Variants in CCDC7 observed in about 807,000 individuals in gnomAD.
CCDC7 encodes coiled-coil domain-containing protein 7.
CCDC7 carries 183 observed loss-of-function variants against 196.9 expected under a neutral mutation model. That is an observed-to-expected ratio of 0.93 (90% CI 0.82 to 1.05). The LOEUF (loss-of-function observed/expected upper bound fraction) is 1.05. Ranked by LOEUF, CCDC7 falls within the 50% of genes least tolerant of loss-of-function variation. The probability of loss-of-function intolerance (pLI) is 0.00; values close to 1 mark genes in which losing one functional copy is unlikely to be tolerated. For synonymous variants in CCDC7, 525 were observed against 484.6 expected (o/e 1.08, Z -1.10); for missense variants, 1,540 against 1,482.2 (o/e 1.04, Z -0.64).
intron 6 of CCDC7, 131 bp downstream of exon 7, chr10:32,471,361 G>T (rs1242724638): frequency 6.3e-6 from 7 of 1,105,998 alleles, no homozygotes; most frequent in Non-Finnish European, 8.6e-6. Flanking sequence ...GGTCTAGTCA[G>T]CTTGTTTCTA....
chr10:32,461,544 C>T (rs1463377553), intron 3 of CCDC7, among the ~76,000 whole-genome samples: 1 of 151,142 alleles, frequency 6.6e-6, no homozygotes, highest in Admixed American at 6.6e-5. Context: ...TATTTTATAT[C>T]TTGATTTTCT....
intron 8 of CCDC7, 96 bp downstream of exon 9, chr10:32,474,119 T>A (rs886301419): frequency 3.1e-6 from 4 of 1,272,688 alleles, no homozygotes; most frequent in Non-Finnish European, 4.2e-6. Flanking sequence ...TGCAGACTCC[T>A]TGCCTTGGAG....
chr10:32,551,189 A>AAGTGTTCAT (rs1251089486), intron 13 of CCDC7, among the ~76,000 whole-genome samples: 7 of 152,132 alleles, frequency 4.6e-5, no homozygotes, highest in Non-Finnish European at 1.0e-4. Flanking sequence ...ATGTGCATAA[A>AAGTGTTCAT]AGTGTTCATA....
chr10:32,633,738 A>ATATGTG (rs1554928353), intron 18 of CCDC7, among the ~76,000 whole-genome samples: 104 of 130,798 alleles, frequency 8.0e-4, no homozygotes, highest in Admixed American at 1.2e-3. Context: ...GTGTATATAT[A>ATATGTG]TGTGTGTGTG....
chr10:32,453,716 T>C (rs1457072667), intron 2 of CCDC7, among the ~76,000 whole-genome samples: 2 of 152,228 alleles, frequency 1.3e-5, no homozygotes, highest in Non-Finnish European at 2.9e-5. Context: ...AGTAAAGATA[T>C]GGGGCCACAG....
At chr10:32,862,689 C>T (rs10827145) in intron 41 of CCDC7, among the ~76,000 whole-genome samples, 1 of 151,938 alleles carries the variant, frequency 6.6e-6, no homozygotes. Context: ...ACTAGAAGTA[C>T]TATCAAGGAC....
At chr10:32,501,460 G>A (rs2044021302) in intron 9 of CCDC7, among the ~76,000 whole-genome samples, 1 of 152,142 alleles carries the variant, frequency 6.6e-6, no homozygotes, top group East Asian at 1.9e-4. Flanking sequence ...TAGAAGAGAT[G>A]TTCTGGTTTT....
chr10:32,614,420 A>T (rs1189629425), intron 18 of CCDC7, among the ~76,000 whole-genome samples: 1 of 152,018 alleles, frequency 6.6e-6, no homozygotes, highest in South Asian at 2.1e-4. Flanking sequence ...GTGTCTTTTC[A>T]TTGGGGCATT....
intron 28 of CCDC7, among the ~76,000 whole-genome samples, chr10:32,745,965 G>T (rs889532142): frequency 6.6e-6 from 1 of 152,090 alleles, no homozygotes; most frequent in Non-Finnish European, 1.5e-5. Context: ...ATTTTGGGGG[G>T]CACTGTTGTA....
intron 11 of CCDC7, among the ~76,000 whole-genome samples, chr10:32,540,041 T>A (rs539751545): frequency 1.3e-5 from 2 of 151,574 alleles, no homozygotes; most frequent in African/African-American, 4.8e-5. Flanking sequence ...AAGTGTTGAG[T>A]TTAGGTGCTG....
At chr10:32,512,594 A>G (rs753410518) in intron 9 of CCDC7, 7 of 152,222 alleles carry the variant, frequency 4.6e-5, no homozygotes, top group Non-Finnish European at 7.3e-5. Flanking sequence ...ACCTAAATGT[A>G]AGAAAATAAA....
chr10:32,477,208 G>C (rs528287775), intron 8 of CCDC7, among the ~76,000 whole-genome samples: 21 of 144,262 alleles, frequency 1.5e-4, no homozygotes, highest in Non-Finnish European at 1.8e-4. Flanking sequence ...GATCCATTTT[G>C]AGTTAATTTT....
intron 28 of CCDC7, among the ~76,000 whole-genome samples, chr10:32,757,867 AAAG>A (rs1446750915): frequency 2.0e-5 from 3 of 152,232 alleles, no homozygotes; most frequent in Admixed American, 6.5e-5. Context: ...CAAGACTAAT[AAAG>A]AAGAAGAGAA....
intron 30 of CCDC7, among the ~76,000 whole-genome samples, chr10:32,805,875 A>G (rs1017144788): frequency 2.6e-5 from 4 of 152,204 alleles, no homozygotes; most frequent in African/African-American, 9.6e-5. Flanking sequence ...GAGGCTGTAC[A>G]AGCATAGTGC....
chr10:32,863,119 A>G (rs1593577470), intron 41 of CCDC7, among the ~76,000 whole-genome samples: 1 of 152,092 alleles, frequency 6.6e-6, no homozygotes, highest in Non-Finnish European at 1.5e-5. Context: ...CAAAATTCCA[A>G]TGGTATTATT....
intron 41 of CCDC7, among the ~76,000 whole-genome samples, chr10:32,859,502 A>G (rs1238180939): frequency 6.6e-6 from 1 of 152,218 alleles, no homozygotes; most frequent in African/African-American, 2.4e-5. Flanking sequence ...CATCACAATT[A>G]AAAGAACTAG....
Position 32,664,128 on chromosome 10 carries a change from A to G in CCDC7, c.2089A>G (p.Lys697Glu), listed in dbSNP as rs183140767. Residue 697 changes from lysine (K) to glutamate (E), a missense_variant, in exon 21 of 42, where the codon AAA (lysine) becomes GAA (glutamate). Coordinates refer to ENST00000639629, the Ensembl canonical transcript of CCDC7. The stretch of plus-strand genomic sequence containing the variant: ...GTCAAAAACGGAAGTAGAAGTAAAG[A>G]AACAAAAATCTTTCCAAGATAATCA... 83 of 396,572 alleles carry G rather than the reference A, an allele frequency of 2.1e-4. 2 individuals are homozygous for G. Among genetic ancestry groups the G allele is most frequent in the Admixed American group, 8.8e-4 (20 of 22,664 alleles). 24.6% of individuals were successfully genotyped at this position (396,572 alleles called of 1,614,324 possible).
intron 30 of CCDC7, among the ~76,000 whole-genome samples, chr10:32,805,936 A>G (rs141897086): frequency 1.8e-3 from 276 of 152,334 alleles, no homozygotes; most frequent in Middle Eastern, 0.014. Flanking sequence ...TACTCACGGC[A>G]GAAAGTAAAG....
rs185460806 is a variant in CCDC7 at position 32,795,100 on chromosome 10, G to A, written c.3014-9915G>A. ...GGTTTTCTCTGACTTTCCTATACCT[G>A]AATATTTATATCTTTCTCAGGGTTT... is the stretch of plus-strand genomic sequence containing the variant. On this transcript the variant is annotated intron_variant, in intron 29 of 41. Transcript: ENST00000639629. Among the ~76,000 whole-genome samples the A allele has an allele frequency of 2.6e-5, 4 of 152,218 alleles. No homozygotes were observed. The East Asian group carries it at 5.8e-4, about 22-fold the overall frequency.
Sources: gnomAD v4.1 joint callset for allele counts (sites outside exome capture counted in the v4.1 genomes callset) on GRCh38, gnomAD v4.1.1 for gene constraint, MANE v1.5 for transcripts, NCBI Gene and HGNC (gene_info 2026-07-23, HGNC 2026-07-21) for gene names.